The following CRY2 variants were observed in gnomAD, a reference collection of about 807,000 sequenced individuals.
CRY2 encodes cryptochrome-2.
In CRY2, 31 loss-of-function variants were observed where a neutral mutation model predicts 69.5. That is an observed-to-expected ratio of 0.45 (90% CI 0.34 to 0.60). The LOEUF is 0.60. Among genes scored for constraint, CRY2 ranks in the 20% least tolerant of loss-of-function variants. CRY2 has a pLI of 0.02. For missense variants in CRY2, 606 were observed against 797.8 expected (o/e 0.76, Z 2.90); for synonymous variants, 303 against 312.2 (o/e 0.97, Z 0.31).
chr11:45,851,122 TA>T (rs1405679100), intron 1 of CRY2, among the ~76,000 whole-genome samples: 1 of 151,470 alleles, frequency 6.6e-6, no homozygotes, highest in Non-Finnish European at 1.5e-5. Context: ...TAGAAGGAGG[TA>T]CTGCAGCAAG....
chr11:45,877,011 G>C (rs1171678710), intron 11 of CRY2, among the ~76,000 whole-genome samples: 1 of 152,160 alleles, frequency 6.6e-6, no homozygotes, highest in Non-Finnish European at 1.5e-5. Context: ...TAAAATCAGA[G>C]GCAGGATTCT....
Position 45,861,194 on chromosome 11 carries a change from A to T in CRY2, c.652+162A>T, listed in dbSNP as rs979416108. ...ACTCCACCACCCAGAGGTAACCACA[A>T]TTAATTTTAAACTGTGTCCTTCTAG... is the stretch of plus-strand genomic sequence containing the variant. On this transcript the variant is annotated intron_variant, in intron 4 of 11. Transcript: ENST00000616080. 18 of 697,850 alleles carry T rather than the reference A, an allele frequency of 2.6e-5. No homozygotes were observed. In the South Asian group the frequency reaches 3.3e-4, roughly 13 times the overall value. The allele number at this position is 697,850 out of a possible 1,614,324, so 43.2% of individuals were successfully genotyped here. A position where few individuals can be genotyped will look rare whatever the true frequency, so the allele number is the denominator to read the frequency against.
intron 5 of CRY2, among the ~76,000 whole-genome samples, chr11:45,864,845 T>G (rs1409033497): frequency 6.6e-6 from 1 of 152,114 alleles, no homozygotes; most frequent in South Asian, 2.1e-4. Flanking sequence ...TCCAGCCTGG[T>G]TGACAGAATG....
chr11:45,864,697 A>G (rs373336095), intron 5 of CRY2, among the ~76,000 whole-genome samples: 1 of 152,032 alleles, frequency 6.6e-6, no homozygotes, highest in Non-Finnish European at 1.5e-5. Flanking sequence ...GTGAAACCTC[A>G]TCTCTACTAA....
intron 2 of CRY2, chr11:45,858,512 T>C: frequency 1.9e-6 from 1 of 538,824 alleles, no homozygotes. Flanking sequence ...AACTCCACTG[T>C]TGCTGTGCTG....
At chr11:45,878,971 TG>T (rs1181403470) in intron 11 of CRY2, among the ~76,000 whole-genome samples, 2 of 140,496 alleles carry the variant, frequency 1.4e-5, no homozygotes, top group South Asian at 4.5e-4. Context: ...GGCTCACTCC[TG>T]TAATCCCAGC....
chr11:45,870,523 C>G lies in CRY2; in HGVS notation c.1540C>G (p.Arg514Gly), dbSNP rs767826193. Residue 514 changes from arginine (R) to glycine (G), a missense_variant, in exon 9 of 12, where the codon CGG (arginine) becomes GGG (glycine). Physicochemically the swap from Arg to Gly is moderately radical, Grantham distance 125. Coordinates refer to ENST00000616080, the MANE Select transcript of CRY2 (RefSeq NM_021117.5). ...GATTTACCAGCAGCTTTCGCGCTAC[C>G]GGGGACTCTGTAAGGAGACAAACAC... Reference protein sequence around the residue: ...KQIYQQLSRYRGLCLLASVPS... With the variant: ...KQIYQQLSRYGGLCLLASVPS... 1.2e-6 allele frequency: 2 copies of G among 1,614,008 alleles called. No homozygotes were observed. Among genetic ancestry groups the G allele is most frequent in the Non-Finnish European group, 1.7e-6 (2 of 1,180,014 alleles).
At chr11:45,874,727 G>A (rs961644864) in intron 11 of CRY2, among the ~76,000 whole-genome samples, 7 of 152,062 alleles carry the variant, frequency 4.6e-5, no homozygotes, top group African/African-American at 1.4e-4. Context: ...GGTGGATCAC[G>A]AGGTCAGGAG....
chr11:45,847,296 G>T (rs751180806), upstream of CRY2: 4 of 1,496,682 alleles, frequency 2.7e-6, no homozygotes, highest in African/African-American at 1.4e-5. Context: ...GAACGTGAGG[G>T]GGCGGGCCTG....
At chr11:45,869,463 G>C in intron 6 of CRY2, 43 bp from the exon 7 acceptor site, 1 of 1,557,794 alleles carries the variant, frequency 6.4e-7, no homozygotes, top group Non-Finnish European at 8.7e-7. Context: ...CATGCTAAGA[G>C]CTGGGCGAGT....
chr11:45,861,967 C>A, intron 4 of CRY2, 93 bp from the exon 5 acceptor site: 2 of 1,093,508 alleles, frequency 1.8e-6, no homozygotes, highest in South Asian at 1.4e-5. Context: ...CACTGTGGTT[C>A]AATTCTCATA....
intron 10 of CRY2, 42 bp from the exon 11 acceptor site, chr11:45,872,050 G>A: frequency 1.2e-6 from 2 of 1,608,322 alleles, no homozygotes; most frequent in Non-Finnish European, 1.7e-6. Flanking sequence ...CATTTTGGCT[G>A]CATGCACAGT....
Position 45,861,464 on chromosome 11 carries a change from C to T in CRY2, c.652+432C>T, listed in dbSNP as rs192198460. On this transcript the variant is annotated intron_variant, in intron 4 of 11. Transcript: ENST00000616080. ...TTACCTTTTTTTTTTCTTTTTTAGA[C>T]GGAGTCTGGCTCTGTTGCCCAGTCT... 59 of 166,194 alleles carry T rather than the reference C, an allele frequency of 3.6e-4. 1 individual carries two copies. The highest frequency in any genetic ancestry group is 6.9e-4 in the East Asian group (4 of 5,786). The allele number at this position is 166,194 out of a possible 1,614,324, so 10.3% of individuals were successfully genotyped here. A position where few individuals can be genotyped will look rare whatever the true frequency, so the allele number is the denominator to read the frequency against.
At chr11:45,873,664 CAT>C (rs2086404087) in intron 11 of CRY2, among the ~76,000 whole-genome samples, 1 of 152,154 alleles carries the variant, frequency 6.6e-6, no homozygotes, top group Non-Finnish European at 1.5e-5. Flanking sequence ...GAGCATTAAA[CAT>C]ATAAAATGTG....
At chr11:45,858,937 G>A in intron 3 of CRY2, 64 bp downstream of exon 3, 1 of 1,574,980 alleles carries the variant, frequency 6.3e-7, no homozygotes, top group Non-Finnish European at 8.6e-7. Flanking sequence ...GGCCCCTGCT[G>A]AGCGGAACTC....
At chr11:45,850,358 C>A (rs1211137227) in intron 1 of CRY2, among the ~76,000 whole-genome samples, 1 of 152,216 alleles carries the variant, frequency 6.6e-6, no homozygotes, top group Non-Finnish European at 1.5e-5. Flanking sequence ...TTAAGAAGCA[C>A]TGGACTAGAG....
At chr11:45,857,210 A>G (rs544392197) in intron 2 of CRY2, among the ~76,000 whole-genome samples, 11 of 152,312 alleles carry the variant, frequency 7.2e-5, no homozygotes, top group African/African-American at 2.2e-4. Flanking sequence ...AGGGCTGCCT[A>G]TGAGTCAAGC....
At chr11:45,860,396 A>AAC (rs1033295721) in intron 3 of CRY2, among the ~76,000 whole-genome samples, 12 of 151,700 alleles carry the variant, frequency 7.9e-5, no homozygotes, top group Admixed American at 5.9e-4. Context: ...TAAAAAAAAA[A>AAC]AAAAAAAAAA....
intron 11 of CRY2, 130 bp downstream of exon 11, chr11:45,872,363 C>T (rs535968557): frequency 3.7e-6 from 3 of 818,548 alleles, no homozygotes; most frequent in Non-Finnish European, 5.8e-6. Flanking sequence ...AATGCTCAGC[C>T]ACTAAAGCTT....
Sources: allele counts gnomAD v4.1 joint callset (sites outside exome capture counted in the v4.1 genomes callset), GRCh38; gene constraint gnomAD v4.1.1; transcripts MANE v1.5; gene names NCBI Gene and HGNC (gene_info 2026-07-23, HGNC 2026-07-21).